PCDHGA8: variants seen among roughly 807,000 people sequenced by gnomAD.
PCDHGA8 encodes protocadherin gamma subfamily A, 8, also known as protocadherin gamma-A8.
In PCDHGA8, 45 loss-of-function variants were observed where a neutral mutation model predicts 59.2. The ratio of observed to expected loss-of-function variants is 0.76; its 90% CI spans 0.60 to 0.98. The LOEUF (loss-of-function observed/expected upper bound fraction) is 0.98, where lower values mean the gene tolerates loss of function less well. Ranked by LOEUF, PCDHGA8 falls within the 50% of genes least tolerant of loss-of-function variation. PCDHGA8 has a pLI of 0.00. For synonymous variants in PCDHGA8, 531 were observed against 519.0 expected (o/e 1.02, Z -0.32); for missense variants, 1,257 against 1,196.2 (o/e 1.05, Z -0.75).
Position 141,489,195 on chromosome 5 carries a change from A to G in PCDHGA8, c.2425-5612A>G, listed in dbSNP as rs200660227. ...ATTCCAAGCCCTGGGTCTACCTTGG[A>G]GACAGGACAGCACAGACTTACTCTC... is the stretch of plus-strand genomic sequence containing the variant. On this transcript the variant is annotated intron_variant, in intron 1 of 3. Transcript: ENST00000398604. This position sits in a 1 kb window ranked among gnomAD's most constrained non-coding sequence, Gnocchi z 4.5. 1.8e-5 allele frequency: 25 copies of G among 1,383,116 alleles called. No individual in the cohort carries two copies. The East Asian group carries it at 4.8e-4, about 27-fold the overall frequency. 85.7% of individuals were successfully genotyped at this position (1,383,116 alleles called of 1,614,324 possible). A position where few individuals can be genotyped will look rare whatever the true frequency, so the allele number is the denominator to read the frequency against.
rs889451396 is a variant in PCDHGA8 at position 141,393,167 on chromosome 5, G to C, written c.354G>C (p.Gly118=). 17 of 1,613,166 alleles carry C rather than the reference G, an allele frequency of 1.1e-5. No homozygotes were observed. The highest frequency in any genetic ancestry group is 2.2e-5 in the East Asian group (1 of 44,876). Reference sequence around the variant, plus strand: ...TTGAGGATAAAGGAAAACTCTTTGGGGTAGAAATAGAAATAATTGATATTA... The same window carrying C: ...TTGAGGATAAAGGAAAACTCTTTGGCGTAGAAATAGAAATAATTGATATTA... ...TLVEDKGKLF[G]VEIEIIDIND... Residue 118 remains glycine, a synonymous_variant, in exon 1 of 4, where the codon GGG becomes GGC. Coordinates refer to ENST00000398604, the MANE Select transcript of PCDHGA8 (RefSeq NM_032088.2).
At position 141,486,370 on chromosome 5, in the gene PCDHGA8, T is replaced by C. The variant is rs755925357; in HGVS notation, c.2425-8437T>C. Reference sequence around the variant, plus strand: ...ACCACTTGCCATTTGCCCTCAAGTCTGCCTTCAGGAACCAGTTCTCCCTGG... The same window carrying C: ...ACCACTTGCCATTTGCCCTCAAGTCCGCCTTCAGGAACCAGTTCTCCCTGG... On this transcript the variant is annotated intron_variant, in intron 1 of 3. Coordinates refer to ENST00000398604, the MANE Select transcript of PCDHGA8 (RefSeq NM_032088.2). The surrounding 1 kb of genome is among the most constrained non-coding windows in gnomAD (Gnocchi z 5.0). 8 of 1,613,988 alleles carry C rather than the reference T, an allele frequency of 5.0e-6. No individual in the cohort carries two copies. The Admixed American group carries it at 1.3e-4, about 27-fold the overall frequency.
At chr5:141,494,524 C>T (rs2099754936) in intron 1 of PCDHGA8, among the ~76,000 whole-genome samples, 1 of 152,156 alleles carries the variant, frequency 6.6e-6, no homozygotes, top group African/African-American at 2.4e-5. Flanking sequence ...GGAGTTCTGA[C>T]TCTGGGGGCA....
Position 141,438,625 on chromosome 5 carries a change from TATATATATATACAC to T in PCDHGA8, c.2424+43390_2424+43403del, listed in dbSNP as rs1291649000. Among the ~76,000 whole-genome samples, 88 of 46,398 alleles carry T rather than the reference TATATATATATACAC, an allele frequency of 1.9e-3. 1 individual carries two copies. The highest frequency in any genetic ancestry group is 8.6e-3 in the African/African-American group (72 of 8,380). 30.4% of individuals were successfully genotyped at this position (46,398 alleles called of 152,430 possible). A position where few individuals can be genotyped will look rare whatever the true frequency, so the allele number is the denominator to read the frequency against. ...ATATATATATATATATATATATATATATATATATATACACACACACACACACATATATGTATATA... is the reference window on the plus strand; with the variant it reads ...ATATATATATATATATATATATATATACACACACACACATATATGTATATA... On this transcript the variant is annotated intron_variant, in intron 1 of 3. Transcript: ENST00000398604.
chr5:141,490,862 C>G lies in PCDHGA8; in HGVS notation c.2425-3945C>G. 1 of 1,613,878 alleles carries G rather than the reference C, an allele frequency of 6.2e-7. No homozygotes were observed. Among genetic ancestry groups the G allele is most frequent in the East Asian group, 2.2e-5 (1 of 44,874 alleles). ...GTGGTGGGGGTTCGAGACTCCGGCTCTCCCCCATTGCATGCCAACACATCT... is the reference window on the plus strand; with the variant it reads ...GTGGTGGGGGTTCGAGACTCCGGCTGTCCCCCATTGCATGCCAACACATCT... On this transcript the variant is annotated intron_variant, in intron 1 of 3. Coordinates refer to ENST00000398604, the MANE Select transcript of PCDHGA8 (RefSeq NM_032088.2). The surrounding 1 kb of genome is among the most constrained non-coding windows in gnomAD (Gnocchi z 5.4).
In PCDHGA8 at chr5:141,490,363, C is replaced by T. The variant is rs779932482; in HGVS notation, c.2425-4444C>T. 10 of 1,614,036 alleles carry T rather than the reference C, an allele frequency of 6.2e-6. No individual in the cohort carries two copies. The highest frequency in any genetic ancestry group is 1.3e-5 in the African/African-American group (1 of 74,904). The stretch of plus-strand genomic sequence containing the variant: ...CACAGTAGTGGGGTTGTTTAATGTG[C>T]GAGACCGGGACTCAGGTAGAAATGG... On this transcript the variant is annotated intron_variant, in intron 1 of 3. Coordinates refer to ENST00000398604, the MANE Select transcript of PCDHGA8 (RefSeq NM_032088.2). The surrounding 1 kb of genome is among the most constrained non-coding windows in gnomAD (Gnocchi z 5.4).
chr5:141,415,189 A>T (rs575244490), intron 1 of PCDHGA8: 2 of 1,613,840 alleles, frequency 1.2e-6, no homozygotes, highest in Non-Finnish European at 1.7e-6. Context: ...GGCCGACAGC[A>T]TCCCCCAAGT....
chr5:141,464,184 G>T (rs1348739162), intron 1 of PCDHGA8, among the ~76,000 whole-genome samples: 1 of 150,316 alleles, frequency 6.7e-6, no homozygotes, highest in Non-Finnish European at 1.5e-5. Flanking sequence ...AGAATTGCTT[G>T]ATTTCAGGAG....
Position 141,431,975 on chromosome 5 carries a change from A to G in PCDHGA8, c.2424+36738A>G. 1 of 1,614,218 alleles carries G rather than the reference A, an allele frequency of 6.2e-7. No individual in the cohort carries two copies. Among genetic ancestry groups the G allele is most frequent in the Non-Finnish European group, 8.5e-7 (1 of 1,180,022 alleles). ...TTACGGAAATTACTATAGTTTAGTC[A>G]CAGACATAGTCTTGGATAGGGAACA... On this transcript the variant is annotated intron_variant, in intron 1 of 3. Transcript: ENST00000398604. The surrounding 1 kb of genome is among the most constrained non-coding windows in gnomAD (Gnocchi z 4.8).
chr5:141,507,495 G>T (rs375483743), intron 3 of PCDHGA8, among the ~76,000 whole-genome samples: 2 of 152,234 alleles, frequency 1.3e-5, no homozygotes, highest in Non-Finnish European at 2.9e-5. Context: ...AGGCAGAGCT[G>T]TCCCAGGTCT....
chr5:141,394,311 C>G lies in PCDHGA8; in HGVS notation c.1498C>G (p.Pro500Ala). The change falls in exon 1 of 4, where the codon CCC becomes GCC. Residue 500 changes from proline (P) to alanine (A), a missense_variant. Transcript: ENST00000398604. ...SVTEDTLQGAPLSSYISINSD... is the reference protein window; with the variant it reads ...SVTEDTLQGAALSSYISINSD... ...GACCGAGGACACGCTGCAGGGGGCG[C>G]CCCTGTCCTCGTATATCTCCATCAA... 3 of 1,613,986 alleles carry G rather than the reference C, an allele frequency of 1.9e-6. No homozygotes were observed. The highest frequency in any genetic ancestry group is 1.7e-6 in the Non-Finnish European group (2 of 1,179,882).
rs1385557537 is a variant in PCDHGA8 at position 141,415,739 on chromosome 5, GGTT to G, written c.2424+20503_2424+20505del. 2.0e-4 allele frequency: 88 copies of G among 435,112 alleles called. 2 individuals are homozygous for G. In the African/African-American group the frequency reaches 2.4e-3, roughly 12 times the overall value. 27.0% of individuals were successfully genotyped at this position (435,112 alleles called of 1,614,324 possible). A position where few individuals can be genotyped will look rare whatever the true frequency, so the allele number is the denominator to read the frequency against. On this transcript the variant is annotated intron_variant, in intron 1 of 3. Coordinates refer to ENST00000398604, the MANE Select transcript of PCDHGA8 (RefSeq NM_032088.2). ...ATGAGTAGAATTTGATGTTTATTAA[GGTT>G]TTTTTTTTTTTTTTTTTTTTTTTTT...
chr5:141,423,323 C>A (rs200492485), intron 1 of PCDHGA8: 91 of 1,614,146 alleles, frequency 5.6e-5, no homozygotes, highest in Non-Finnish European at 4.2e-6. Flanking sequence ...GTGGCGGTGG[C>A]CGCAGTCTCC....
chr5:141,415,896 AC>A, intron 1 of PCDHGA8: 1 of 882,726 alleles, frequency 1.1e-6, no homozygotes, highest in East Asian at 3.3e-5. Flanking sequence ...AATTCCTAAG[AC>A]AGACTTCCAT....
In PCDHGA8 at chr5:141,431,370, A is replaced by G; in HGVS notation, c.2424+36133A>G. ...CTGAAACGCGCCCTGGACCGCGAAG[A>G]AAAGGCTGCTCACCACCTGGTCCTT... is the stretch of plus-strand genomic sequence containing the variant. On this transcript the variant is annotated intron_variant, in intron 1 of 3. Coordinates refer to ENST00000398604, the MANE Select transcript of PCDHGA8 (RefSeq NM_032088.2). The surrounding 1 kb of genome is among the most constrained non-coding windows in gnomAD (Gnocchi z 4.8). 1 of 1,613,946 alleles carries G rather than the reference A, an allele frequency of 6.2e-7. No homozygotes were observed. The highest frequency in any genetic ancestry group is 8.5e-7 in the Non-Finnish European group (1 of 1,180,014).
chr5:141,490,402 G>A lies in PCDHGA8; in HGVS notation c.2425-4405G>A. On this transcript the variant is annotated intron_variant, in intron 1 of 3. Coordinates refer to ENST00000398604, the MANE Select transcript of PCDHGA8 (RefSeq NM_032088.2). This position sits in a 1 kb window ranked among gnomAD's most constrained non-coding sequence, Gnocchi z 5.4. The stretch of plus-strand genomic sequence containing the variant: ...AGGTAGAAATGGTGAAGTGAGCCTT[G>A]ATATCTCTCCGGACCTGCCATTTCA... 6.2e-7 allele frequency: 1 copy of A among 1,614,182 alleles called. No homozygotes were observed. The highest frequency in any genetic ancestry group is 8.5e-7 in the Non-Finnish European group (1 of 1,180,024).
Position 141,431,939 on chromosome 5 carries a change from T to A in PCDHGA8, c.2424+36702T>A, listed in dbSNP as rs1377573207. The A allele has an allele frequency of 2.2e-5, 35 of 1,613,996 alleles. No individual in the cohort carries two copies. The highest frequency in any genetic ancestry group is 2.9e-5 in the Non-Finnish European group (34 of 1,180,000). On this transcript the variant is annotated intron_variant, in intron 1 of 3. Coordinates refer to ENST00000398604, the MANE Select transcript of PCDHGA8 (RefSeq NM_032088.2). This position sits in a 1 kb window ranked among gnomAD's most constrained non-coding sequence, Gnocchi z 4.8. ...CATCCAAGGAAATCTGCCCTTTAAA[T>A]TAGAAAAATCTTACGGAAATTACTA...
At chr5:141,405,179 G>A (rs2094620573) in intron 1 of PCDHGA8, 1 of 1,614,028 alleles carries the variant, frequency 6.2e-7, no homozygotes, top group South Asian at 1.1e-5. Context: ...CTTTGTGGGT[G>A]TAGATGGGGT....
Position 141,410,123 on chromosome 5 carries a change from C to T in PCDHGA8, c.2424+14886C>T. ...AGGCGACAGGGACGCAGCCCGCCAG[C>T]GCCTGCTGGTCGCTGTGCGTGACGG... On this transcript the variant is annotated intron_variant, in intron 1 of 3. Coordinates refer to ENST00000398604, the MANE Select transcript of PCDHGA8 (RefSeq NM_032088.2). The T allele has an allele frequency of 1.2e-6, 2 of 1,612,780 alleles. No individual in the cohort carries two copies. The highest frequency in any genetic ancestry group is 1.7e-6 in the Non-Finnish European group (2 of 1,179,646).
Sources: gnomAD v4.1 joint callset for allele counts (sites outside exome capture counted in the v4.1 genomes callset) on GRCh38, gnomAD v4.1.1 for gene constraint, Gnocchi (gnomAD v3.1) non-coding constraint, MANE v1.5 for transcripts, NCBI Gene and HGNC (gene_info 2026-07-23, HGNC 2026-07-21) for gene names.